Variants in SAMD3 observed in about 807,000 individuals in gnomAD.
SAMD3 encodes the protein sterile alpha motif domain-containing protein 3.
In SAMD3, 63 loss-of-function variants were observed where a neutral mutation model predicts 58.5. The ratio of observed to expected loss-of-function variants is 1.08; its 90% confidence interval spans 0.88 to 1.33. The LOEUF (loss-of-function observed/expected upper bound fraction) is 1.33, where lower values mean the gene tolerates loss of function less well. Ranked by LOEUF, SAMD3 falls within the 40% of genes most tolerant of loss-of-function variation. The probability of loss-of-function intolerance (pLI) is 0.00; values close to 1 mark genes in which losing one functional copy is unlikely to be tolerated. For synonymous variants in SAMD3, 220 were observed against 210.3 expected (o/e 1.05, Z -0.40); for missense variants, 604 against 608.4 (o/e 0.99, Z 0.08).
intron 5 of SAMD3, among the ~76,000 whole-genome samples, chr6:130,198,110 C>G (rs1430489491): frequency 1.3e-5 from 2 of 152,188 alleles, no homozygotes; most frequent in Admixed American, 6.5e-5. Flanking sequence ...CCCACCCCAT[C>G]TCTCTTCGCT....
chr6:130,269,793 G>A (rs2114934546), intron 2 of SAMD3, among the ~76,000 whole-genome samples: 1 of 151,348 alleles, frequency 6.6e-6, no homozygotes, highest in South Asian at 2.1e-4. Context: ...ACTTTATTCA[G>A]GTAGCAACAC....
At chr6:130,173,435 C>A (rs1369797955) in intron 8 of SAMD3, among the ~76,000 whole-genome samples, 1 of 152,182 alleles carries the variant, frequency 6.6e-6, no homozygotes, top group African/African-American at 2.4e-5. Flanking sequence ...TAACAGATCC[C>A]TCTTCTGCAG....
chr6:130,186,424 C>T (rs1483451468), intron 5 of SAMD3, among the ~76,000 whole-genome samples: 5 of 152,086 alleles, frequency 3.3e-5, no homozygotes, highest in South Asian at 4.2e-4. Flanking sequence ...CCCCCTTTGG[C>T]GGTCCCTACT....
At chr6:130,268,608 C>CTGTTTAGATA (rs1300520852) in intron 2 of SAMD3, among the ~76,000 whole-genome samples, 1 of 152,052 alleles carries the variant, frequency 6.6e-6, no homozygotes, top group Non-Finnish European at 1.5e-5. Flanking sequence ...CATATTTTTA[C>CTGTTTAGATA]CATACTTTTT....
chr6:130,218,250 A>C (rs1466356844), intron 1 of SAMD3, among the ~76,000 whole-genome samples: 1 of 152,216 alleles, frequency 6.6e-6, no homozygotes, highest in African/African-American at 2.4e-5. Flanking sequence ...TTCTCGCCTC[A>C]CAGATTGAAT....
At chr6:130,177,832 C>G (rs1791876592) in intron 7 of SAMD3, among the ~76,000 whole-genome samples, 1 of 152,100 alleles carries the variant, frequency 6.6e-6, no homozygotes, top group Non-Finnish European at 1.5e-5. Context: ...TTCATGCATG[C>G]TAGAAACTAT....
intron 2 of SAMD3, among the ~76,000 whole-genome samples, chr6:130,266,710 G>C: frequency 6.6e-6 from 1 of 152,184 alleles, no homozygotes; most frequent in East Asian, 1.9e-4. Context: ...TACCTGACCA[G>C]TAGGCAGGTA....
Position 130,184,090 on chromosome 6 carries a change from T to C in SAMD3, c.654+13A>G, listed in dbSNP as rs377404680. On this transcript the variant is annotated intron_variant, in intron 7 of 11. Transcript: ENST00000439090. Reference sequence around the variant, plus strand: ...GTCTGAAATTAACAGGATGGTGCCATGTGGTCACTTACGAAGCCACAGCCA... The same window carrying C: ...GTCTGAAATTAACAGGATGGTGCCACGTGGTCACTTACGAAGCCACAGCCA... 4 of 1,606,814 alleles carry C rather than the reference T, an allele frequency of 2.5e-6. No individual in the cohort carries two copies. Among genetic ancestry groups the C allele is most frequent in the African/African-American group, 1.3e-5 (1 of 74,750 alleles).
chr6:130,301,436 G>A (rs11962431), intron 2 of SAMD3, among the ~76,000 whole-genome samples: 25,781 of 151,964 alleles, frequency 0.17, 2,418 homozygotes, highest in East Asian at 0.36. Flanking sequence ...CACCGATGGC[G>A]CAAACAAATG....
chr6:130,216,918 G>C (rs965545056), intron 1 of SAMD3, among the ~76,000 whole-genome samples: 2 of 151,958 alleles, frequency 1.3e-5, no homozygotes, highest in Admixed American at 1.3e-4. Flanking sequence ...AGAAAATAGA[G>C]AAAAAATAAA....
At chr6:130,253,556 T>G (rs74629843) in intron 2 of SAMD3, among the ~76,000 whole-genome samples, 3,830 of 152,268 alleles carry the variant, frequency 0.025, 68 homozygotes, top group Non-Finnish European at 0.04. Flanking sequence ...TAAGAGAACT[T>G]GCATTTTTCT....
chr6:130,295,353 T>A (rs537862702), intron 2 of SAMD3, among the ~76,000 whole-genome samples: 13 of 152,328 alleles, frequency 8.5e-5, no homozygotes, highest in Admixed American at 2.0e-4. Context: ...AGGTAGGGCA[T>A]GCCTCAGAGG....
At chr6:130,233,153 G>C (rs1796592838) in intron 2 of SAMD3, among the ~76,000 whole-genome samples, 1 of 152,130 alleles carries the variant, frequency 6.6e-6, no homozygotes, top group Non-Finnish European at 1.5e-5. Context: ...CTCACTTCTG[G>C]CTAGCTGGGT....
intron 5 of SAMD3, among the ~76,000 whole-genome samples, chr6:130,195,561 C>T (rs986195431): frequency 8.5e-5 from 13 of 152,244 alleles, no homozygotes; most frequent in African/African-American, 3.1e-4. Context: ...CCTCCCTCTA[C>T]AACCCATTAT....
chr6:130,161,980 A>G (rs1264976596), intron 8 of SAMD3: 2 of 318,670 alleles, frequency 6.3e-6, no homozygotes, highest in South Asian at 2.8e-4. Context: ...CAAAGAAAGT[A>G]GACATGAAGC....
chr6:130,237,819 A>T (rs1582990633), intron 2 of SAMD3, among the ~76,000 whole-genome samples: 1 of 152,312 alleles, frequency 6.6e-6, no homozygotes, highest in Non-Finnish European at 1.5e-5. Flanking sequence ...GTAATACTTT[A>T]GTTTAGTTTA....
chr6:130,148,161 T>G (rs1582707087), intron 9 of SAMD3, among the ~76,000 whole-genome samples: 1 of 152,232 alleles, frequency 6.6e-6, no homozygotes, highest in African/African-American at 2.4e-5. Context: ...ACTACAATAG[T>G]TGCCAAATGG....
intron 5 of SAMD3, among the ~76,000 whole-genome samples, chr6:130,194,693 A>G (rs568759332): frequency 7.3e-4 from 111 of 152,320 alleles, no homozygotes; most frequent in Non-Finnish European, 1.2e-3. Context: ...CCATCTGTGC[A>G]GGACCCCACT....
At chr6:130,339,375 A>T (rs1048332556) in intron 1 of SAMD3, among the ~76,000 whole-genome samples, 4 of 152,136 alleles carry the variant, frequency 2.6e-5, no homozygotes, top group Non-Finnish European at 5.9e-5. Flanking sequence ...TGTAATTCCC[A>T]TACATCCTAC....
Sources: allele counts gnomAD v4.1 joint callset (sites outside exome capture counted in the v4.1 genomes callset), GRCh38; gene constraint gnomAD v4.1.1; transcripts MANE v1.5; gene names NCBI Gene and HGNC (gene_info 2026-07-23, HGNC 2026-07-21).